The following PDE10A variants were observed in gnomAD, a reference collection of about 807,000 sequenced individuals.
PDE10A encodes the protein cAMP and cAMP-inhibited cGMP 3',5'-cyclic phosphodiesterase 10A.
PDE10A carries 39 observed loss-of-function variants against 97.7 expected under a neutral mutation model. The observed-to-expected ratio is 0.40, with a 90% CI of 0.31 to 0.52. The LOEUF is 0.52. Ranked by LOEUF, PDE10A falls within the 20% of genes least tolerant of loss-of-function variation. The pLI is 0.56. For missense variants in PDE10A, 731 were observed against 1,047.8 expected, an observed-to-expected ratio of 0.70 and a Z score of 4.17; for synonymous variants, 371 against 376.8, an observed-to-expected ratio of 0.98 and a Z score of 0.18.
chr6:165,875,746 T>TTTTTTTTTTTTTTTTTTTTTG (rs780504850), intron 1 of PDE10A, among the ~76,000 whole-genome samples: 1 of 147,070 alleles, frequency 6.8e-6, no homozygotes, highest in African/African-American at 2.6e-5. Flanking sequence ...TTTTTTTTTT[T>TTTTTTTTTTTTTTTTTTTTTG]TGTGTGTGTG....
intron 1 of PDE10A, among the ~76,000 whole-genome samples, chr6:165,897,376 A>G (rs1361068016): frequency 6.6e-6 from 1 of 151,996 alleles, no homozygotes; most frequent in African/African-American, 2.4e-5. Context: ...TTGGGGAAGA[A>G]ATGACCTGAG....
At chr6:165,884,098 G>A (rs1781565049) in intron 1 of PDE10A, among the ~76,000 whole-genome samples, 1 of 152,124 alleles carries the variant, frequency 6.6e-6, no homozygotes, top group African/African-American at 2.4e-5. Flanking sequence ...GAAGGAGGGA[G>A]GCGTGTTTAA....
At chr6:165,878,996 A>G (rs1419203718) in intron 1 of PDE10A, among the ~76,000 whole-genome samples, 1 of 152,200 alleles carries the variant, frequency 6.6e-6, no homozygotes, top group African/African-American at 2.4e-5. Flanking sequence ...TGCCCAAATA[A>G]CAAATTCACA....
At chr6:165,972,707 C>A (rs75164436) in intron 1 of PDE10A, among the ~76,000 whole-genome samples, 3,993 of 152,124 alleles carry the variant, frequency 0.026, 193 homozygotes, top group African/African-American at 0.091. Flanking sequence ...AAGGGACAAC[C>A]CTTCATCCAA....
chr6:165,733,716 A>G (rs1300042650), intron 1 of PDE10A, among the ~76,000 whole-genome samples: 2 of 152,144 alleles, frequency 1.3e-5, no homozygotes, highest in South Asian at 4.1e-4. Context: ...AGAAAATTAA[A>G]CTGTTCTCTT....
intron 1 of PDE10A, among the ~76,000 whole-genome samples, chr6:165,767,853 GT>G (rs1327318413): frequency 3.3e-5 from 5 of 152,284 alleles, no homozygotes; most frequent in Admixed American, 3.3e-4. Flanking sequence ...TTGCAAAACT[GT>G]TTTCCAAAGT....
At chr6:165,463,100 A>T (rs1778421504) in intron 3 of PDE10A, among the ~76,000 whole-genome samples, 1 of 152,236 alleles carries the variant, frequency 6.6e-6, no homozygotes, top group African/African-American at 2.4e-5. Context: ...GGGGATGTTT[A>T]GCTTGAATTG....
At chr6:165,482,929 G>A (rs548879426) in intron 2 of PDE10A, among the ~76,000 whole-genome samples, 77 of 152,322 alleles carry the variant, frequency 5.1e-4, no homozygotes, top group Non-Finnish European at 2.5e-4. Flanking sequence ...GACTGGGGTG[G>A]TTTGCACAGG....
At chr6:165,408,239 C>G (rs188797655) in intron 13 of PDE10A, among the ~76,000 whole-genome samples, 1 of 152,198 alleles carries the variant, frequency 6.6e-6, no homozygotes. Context: ...GCACTTCATG[C>G]TGCACAAAGA....
intron 10 of PDE10A, among the ~76,000 whole-genome samples, chr6:165,420,859 AAAG>A (rs1481471828): frequency 6.6e-6 from 1 of 152,260 alleles, no homozygotes; most frequent in Non-Finnish European, 1.5e-5. Flanking sequence ...TACATTCAGA[AAAG>A]AACAATTTTT....
intron 2 of PDE10A, among the ~76,000 whole-genome samples, chr6:165,505,444 T>A (rs1269774119): frequency 3.9e-5 from 6 of 152,164 alleles, no homozygotes; most frequent in African/African-American, 1.4e-4. Context: ...ATTTTGTGAT[T>A]AAACATACAC....
chr6:165,844,574 G>C (rs1326530730), intron 1 of PDE10A, among the ~76,000 whole-genome samples: 3 of 152,132 alleles, frequency 2.0e-5, no homozygotes, highest in Admixed American at 6.6e-5. Context: ...ATTCTAGAAT[G>C]TTAAGTTCTT....
In PDE10A at chr6:165,381,631, ATTTTTTT is replaced by A. The variant is rs547827126; in HGVS notation, c.2611-2272_2611-2266del. Among the ~76,000 whole-genome samples the A allele has an allele frequency of 8.3e-3, 982 of 118,666 alleles. 12 individuals are homozygous for A. The highest frequency in any genetic ancestry group is 0.031 in the African/African-American group (915 of 29,940). The allele number at this position is 118,666 out of a possible 152,430, so 77.8% of individuals were successfully genotyped here. ...AGGGACGCACCACCACACCTGGCTAATTTTTTTTTTTTTTTTTTTTTTTGTATTTTTA... is the reference window on the plus strand; with the variant it reads ...AGGGACGCACCACCACACCTGGCTAATTTTTTTTTTTTTTTTGTATTTTTA... On this transcript the variant is annotated intron_variant, in intron 17 of 21. Transcript: ENST00000539869.
intron 13 of PDE10A, among the ~76,000 whole-genome samples, chr6:165,409,325 T>C (rs1464594508): frequency 1.3e-5 from 2 of 152,138 alleles, no homozygotes; most frequent in African/African-American, 2.4e-5. Flanking sequence ...GGCAGGCGGA[T>C]CACCTGACCT....
At chr6:165,540,705 C>A (rs566341693) in intron 2 of PDE10A, among the ~76,000 whole-genome samples, 2 of 152,334 alleles carry the variant, frequency 1.3e-5, no homozygotes, top group Non-Finnish European at 2.9e-5. Context: ...TCTCTGCTCA[C>A]TACAACCCAC....
At chr6:165,604,925 G>C (rs970554091) in intron 1 of PDE10A, among the ~76,000 whole-genome samples, 1 of 152,132 alleles carries the variant, frequency 6.6e-6, no homozygotes, top group African/African-American at 2.4e-5. Flanking sequence ...CAGAAAACTT[G>C]ACAGTTAAAA....
intron 1 of PDE10A, among the ~76,000 whole-genome samples, chr6:165,872,538 G>C (rs939919969): frequency 1.3e-5 from 2 of 152,160 alleles, no homozygotes; most frequent in Non-Finnish European, 2.9e-5. Flanking sequence ...GCTGGGGTGA[G>C]CTCCCTCCTG....
intron 2 of PDE10A, among the ~76,000 whole-genome samples, chr6:165,500,460 G>C (rs527917319): frequency 1.4e-4 from 22 of 152,292 alleles, no homozygotes; most frequent in African/African-American, 4.8e-4. Flanking sequence ...AGGTTTAATG[G>C]ATTTAGGGCT....
At chr6:165,351,734 C>A (rs1244887339) in intron 18 of PDE10A, among the ~76,000 whole-genome samples, 3 of 152,190 alleles carry the variant, frequency 2.0e-5, no homozygotes, top group Non-Finnish European at 4.4e-5. Context: ...TAAAAGCCAG[C>A]ACTGCTATGA....
Sources: allele counts gnomAD v4.1 joint callset (sites outside exome capture counted in the v4.1 genomes callset), GRCh38; gene constraint gnomAD v4.1.1; transcripts MANE v1.5; gene names NCBI Gene and HGNC (gene_info 2026-07-23, HGNC 2026-07-21).